EVC2: variants seen among roughly 807,000 people sequenced by gnomAD.
EVC2 encodes limbin.
In EVC2, 148 loss-of-function variants were observed where a neutral mutation model predicts 149.3. That is an observed-to-expected ratio of 0.99 (90% CI 0.87 to 1.14). EVC2 has a LOEUF of 1.14. Among genes scored for constraint, EVC2 ranks in the 50% most tolerant of loss-of-function variants. The pLI, the probability that EVC2 is intolerant of heterozygous loss-of-function variation, is 0.00. For missense variants in EVC2, 1,854 were observed against 1,627.3 expected (o/e 1.14, Z -2.40); for synonymous variants, 776 against 649.9 (o/e 1.19, Z -2.95).
intron 15 of EVC2, among the ~76,000 whole-genome samples, chr4:5,617,495 G>A (rs192896295): frequency 1.0e-3 from 158 of 152,298 alleles, no homozygotes; most frequent in African/African-American, 3.6e-3. Flanking sequence ...CACCTACTAC[G>A]CACTTAGCAC....
At chr4:5,662,587 A>T (rs1233259193) in intron 9 of EVC2, among the ~76,000 whole-genome samples, 1 of 144,246 alleles carries the variant, frequency 6.9e-6, no homozygotes, top group African/African-American at 2.5e-5. Context: ...TATATTAATC[A>T]TATTTATTTT....
At chr4:5,685,793 C>T (rs561271795) in intron 5 of EVC2, among the ~76,000 whole-genome samples, 14 of 152,296 alleles carry the variant, frequency 9.2e-5, no homozygotes, top group East Asian at 5.8e-4. Context: ...CACTGTGCAG[C>T]GCACCTCATC....
chr4:5,584,832 G>T lies in EVC2; in HGVS notation c.2848C>A (p.Arg950=), dbSNP rs137852928. The change falls in exon 17 of 22, where the codon CGG becomes AGG. Residue 950 remains arginine (R), a synonymous_variant. Coordinates refer to ENST00000344408, the MANE Select transcript of EVC2 (RefSeq NM_147127.5). ...GCCTCCATCCGCTGCACTCTCTCCC[G>T]CAGCAATTCACCTCGAACCTGGGAG... ...LVEKVRGELL[R]ERVQRMEAQE... The T allele has an allele frequency of 6.2e-7, 1 of 1,614,126 alleles. No individual in the cohort carries two copies. The highest frequency in any genetic ancestry group is 1.3e-5 in the African/African-American group (1 of 75,038).
chr4:5,629,246 C>A (rs1716353935), intron 11 of EVC2, among the ~76,000 whole-genome samples: 2 of 152,210 alleles, frequency 1.3e-5, no homozygotes. Flanking sequence ...GAGTAATAAC[C>A]TAGATAATGT....
At chr4:5,634,184 G>C (rs1716742862) in intron 10 of EVC2, among the ~76,000 whole-genome samples, 2 of 152,198 alleles carry the variant, frequency 1.3e-5, no homozygotes, top group East Asian at 3.8e-4. Flanking sequence ...TAACAATTCA[G>C]TCTTTTTAAA....
intron 11 of EVC2, among the ~76,000 whole-genome samples, chr4:5,630,502 C>T (rs114683871): frequency 7.5e-4 from 114 of 152,276 alleles, no homozygotes; most frequent in Non-Finnish European, 1.3e-3. Flanking sequence ...TGGAATCTGT[C>T]CTTCTAGCAC....
intron 11 of EVC2, among the ~76,000 whole-genome samples, chr4:5,630,241 G>T (rs1716433566): frequency 6.6e-6 from 1 of 152,168 alleles, no homozygotes; most frequent in South Asian, 2.1e-4. Flanking sequence ...TCCTGGGATG[G>T]CCCTGATGTC....
At chr4:5,602,291 T>TAAAAAAAAAAA (rs571933194) in intron 16 of EVC2, among the ~76,000 whole-genome samples, 35 of 81,674 alleles carry the variant, frequency 4.3e-4, no homozygotes, top group African/African-American at 6.5e-4. Context: ...CATTGCCTCT[T>TAAAAAAAAAAA]AAAAAAAAAA....
Position 5,562,605 on chromosome 4 carries a change from G to A in EVC2, c.*243C>T. 1 of 1,392,026 alleles carries A rather than the reference G, an allele frequency of 7.2e-7. No homozygotes were observed. The highest frequency in any genetic ancestry group is 2.8e-5 in the East Asian group (1 of 35,696). 86.2% of individuals were successfully genotyped at this position (1,392,026 alleles called of 1,614,324 possible). On this transcript the variant is annotated 3_prime_UTR_variant, in exon 22 of 22. Coordinates refer to ENST00000344408, the MANE Select transcript of EVC2 (RefSeq NM_147127.5). The surrounding 1 kb of genome is among the most constrained non-coding windows in gnomAD (Gnocchi z 4.3). ...GGTGGGGGTCTCCTCCAGGGCCCTG[G>A]GGAGGTGGGGCTGAAAGAAGGAGTG...
chr4:5,635,599 A>G (rs542823612), intron 10 of EVC2, among the ~76,000 whole-genome samples: 2 of 152,378 alleles, frequency 1.3e-5, no homozygotes, highest in South Asian at 4.1e-4. Context: ...ACAGCATCAC[A>G]AAGTGAAATC....
chr4:5,649,800 C>T (rs1459302190), intron 9 of EVC2, among the ~76,000 whole-genome samples: 1 of 152,128 alleles, frequency 6.6e-6, no homozygotes, highest in African/African-American at 2.4e-5. Context: ...AAGCTAATTC[C>T]AATGGACAGA....
intron 16 of EVC2, among the ~76,000 whole-genome samples, chr4:5,608,766 C>T (rs1399647845): frequency 6.6e-6 from 1 of 152,028 alleles, no homozygotes; most frequent in Non-Finnish European, 1.5e-5. Context: ...AATTTGACCT[C>T]AAGTGATTCA....
Position 5,670,454 on chromosome 4 carries a change from T to A in EVC2, c.871-4805A>T, listed in dbSNP as rs966628185. ...ACCATTATGATCAATATCAGCAGGA[T>A]CACCATCAAATTCATCATCACCATC... is the stretch of plus-strand genomic sequence containing the variant. On this transcript the variant is annotated intron_variant, in intron 7 of 21. Coordinates refer to ENST00000344408, the MANE Select transcript of EVC2 (RefSeq NM_147127.5). The surrounding 1 kb of genome is among the most constrained non-coding windows in gnomAD (Gnocchi z 5.2). Among the ~76,000 whole-genome samples the A allele has an allele frequency of 2.6e-5, 4 of 151,002 alleles. No individual in the cohort carries two copies. The highest frequency in any genetic ancestry group is 1.3e-4 in the Admixed American group (2 of 15,168).
At chr4:5,568,017 A>G (rs1722406084) in intron 20 of EVC2, among the ~76,000 whole-genome samples, 1 of 152,192 alleles carries the variant, frequency 6.6e-6, no homozygotes, top group South Asian at 2.1e-4. Context: ...TGCTCACTCC[A>G]CACTCGACAC....
At chr4:5,539,611 G>C (rs545220463), downstream of EVC2, among the ~76,000 whole-genome samples, 16 of 152,250 alleles carry the variant, frequency 1.1e-4, no homozygotes, top group African/African-American at 3.9e-4. Flanking sequence ...AAACAGAAGA[G>C]AGATATATAA....
chr4:5,699,361 T>C (rs1480363799), intron 1 of EVC2, among the ~76,000 whole-genome samples: 2 of 152,160 alleles, frequency 1.3e-5, no homozygotes, highest in Non-Finnish European at 2.9e-5. Context: ...AATAGTAAAT[T>C]ATGGTACAAA....
intron 10 of EVC2, among the ~76,000 whole-genome samples, chr4:5,635,029 CTTTT>C (rs34769603): frequency 5.6e-5 from 4 of 71,442 alleles, no homozygotes; most frequent in African/African-American, 1.2e-4. Flanking sequence ...AACAAATGTG[CTTTT>C]TTTTTTTTTT....
chr4:5,563,469 C>T (rs1328108056), intron 21 of EVC2, among the ~76,000 whole-genome samples: 4 of 152,186 alleles, frequency 2.6e-5, no homozygotes, highest in Non-Finnish European at 5.9e-5. Flanking sequence ...GCCTTAGCCT[C>T]CTGAGTAACT....
intron 7 of EVC2, among the ~76,000 whole-genome samples, chr4:5,665,881 T>G (rs924201731): frequency 2.0e-5 from 3 of 152,152 alleles, no homozygotes; most frequent in Admixed American, 2.0e-4. Flanking sequence ...GCATGGTGAT[T>G]TGCACACAAT....
Sources: allele counts gnomAD v4.1 joint callset (sites outside exome capture counted in the v4.1 genomes callset), GRCh38; gene constraint gnomAD v4.1.1; non-coding constraint Gnocchi (gnomAD v3.1); transcripts MANE v1.5; gene names NCBI Gene and HGNC (gene_info 2026-07-23, HGNC 2026-07-21).